The following THSD4 variants were observed in gnomAD, a reference collection of about 807,000 sequenced individuals.
THSD4 encodes the protein thrombospondin type 1 domain containing 4.
A neutral mutation model predicts 119.0 loss-of-function variants in THSD4; 69 were observed. The observed-to-expected ratio is 0.58, with a 90% CI of 0.48 to 0.71. The LOEUF is 0.71. Among genes scored for constraint, THSD4 ranks in the 30% least tolerant of loss-of-function variants. The pLI is 0.00. For missense variants in THSD4, 1,393 were observed against 1,391.1 expected (o/e 1.00, Z -0.02); for synonymous variants, 524 against 540.4 (o/e 0.97, Z 0.42).
intron 6 of THSD4, among the ~76,000 whole-genome samples, chr15:71,277,063 C>G (rs762566474): frequency 2.0e-5 from 3 of 150,882 alleles, no homozygotes; most frequent in Non-Finnish European, 4.4e-5. Context: ...CATCTGAGGC[C>G]GTATCCACTG....
At chr15:71,733,266 T>C (rs2053017573) in intron 10 of THSD4, 1 of 152,276 alleles carries the variant, frequency 6.6e-6, no homozygotes, top group South Asian at 2.1e-4. Context: ...TCCTCTTCCA[T>C]GTCAATGGAG....
chr15:71,522,287 TTATTAA>T (rs1202569923), intron 7 of THSD4, among the ~76,000 whole-genome samples: 1 of 152,158 alleles, frequency 6.6e-6, no homozygotes, highest in African/African-American at 2.4e-5. Flanking sequence ...GTTACTATTA[TTATTAA>T]TATTATTATT....
At chr15:71,585,420 A>G (rs969519317) in intron 7 of THSD4, among the ~76,000 whole-genome samples, 1 of 152,164 alleles carries the variant, frequency 6.6e-6, no homozygotes, top group African/African-American at 2.4e-5. Flanking sequence ...CTCACCTGCA[A>G]GGTTTCTGCC....
chr15:71,120,872 G>A (rs1199869719), intron 1 of THSD4, among the ~76,000 whole-genome samples: 2 of 152,236 alleles, frequency 1.3e-5, no homozygotes, highest in African/African-American at 4.8e-5. Flanking sequence ...ATGAAAGGGG[G>A]CATCAGCTTT....
At chr15:71,522,666 A>C (rs968191949) in intron 7 of THSD4, among the ~76,000 whole-genome samples, 3 of 152,244 alleles carry the variant, frequency 2.0e-5, no homozygotes, top group African/African-American at 7.2e-5. Flanking sequence ...TGGGGTGAAG[A>C]AATACAAAGC....
chr15:71,513,948 A>T (rs568433083), intron 7 of THSD4, among the ~76,000 whole-genome samples: 3 of 152,348 alleles, frequency 2.0e-5, no homozygotes, highest in South Asian at 4.1e-4. Context: ...TTCCATTTAT[A>T]TGCAGCTCTA....
At chr15:71,510,477 G>C (rs1246192838) in intron 7 of THSD4, among the ~76,000 whole-genome samples, 1 of 152,172 alleles carries the variant, frequency 6.6e-6, no homozygotes, top group African/African-American at 2.4e-5. Flanking sequence ...AAGTTGAATA[G>C]GAGAAACAGG....
intron 6 of THSD4, among the ~76,000 whole-genome samples, chr15:71,319,698 G>A (rs1158566838): frequency 1.3e-5 from 2 of 152,024 alleles, no homozygotes. Flanking sequence ...GAATAGTGCT[G>A]CAATAAACAT....
At chr15:71,525,458 A>G (rs1355191333) in intron 7 of THSD4, among the ~76,000 whole-genome samples, 2 of 152,232 alleles carry the variant, frequency 1.3e-5, no homozygotes, top group African/African-American at 4.8e-5. Flanking sequence ...AGAACTGGAC[A>G]AGGTCAGGCA....
At chr15:71,587,471 T>C (rs1406708842) in intron 7 of THSD4, among the ~76,000 whole-genome samples, 1 of 116,122 alleles carries the variant, frequency 8.6e-6, no homozygotes, top group Admixed American at 1.0e-4. Flanking sequence ...ATGTCCTTTG[T>C]AGGGACATGG....
intron 6 of THSD4, among the ~76,000 whole-genome samples, chr15:71,367,096 A>G (rs983218030): frequency 6.6e-6 from 1 of 152,194 alleles, no homozygotes; most frequent in Non-Finnish European, 1.5e-5. Context: ...GTCCTTCAAA[A>G]TGTAGCTTCC....
At chr15:71,300,986 G>C (rs924516854) in intron 6 of THSD4, among the ~76,000 whole-genome samples, 10 of 152,216 alleles carry the variant, frequency 6.6e-5, no homozygotes, top group African/African-American at 2.4e-4. Flanking sequence ...ATTTGCTAAA[G>C]TAGGTGTTGT....
chr15:71,248,301 A>C (rs1375702189), intron 5 of THSD4, among the ~76,000 whole-genome samples: 1 of 152,160 alleles, frequency 6.6e-6, no homozygotes, highest in Non-Finnish European at 1.5e-5. Flanking sequence ...ACAACAACAA[A>C]AAATCCTTTC....
chr15:71,680,916 A>AT (rs771191395), intron 8 of THSD4, among the ~76,000 whole-genome samples: 2,326 of 135,504 alleles, frequency 0.017, 34 homozygotes, highest in Non-Finnish European at 0.022. Flanking sequence ...ATTACTAGTA[A>AT]TTTTTTTTTT....
intron 4 of THSD4, among the ~76,000 whole-genome samples, chr15:71,220,970 T>C (rs531953134): frequency 3.3e-5 from 5 of 152,190 alleles, no homozygotes; most frequent in Non-Finnish European, 7.3e-5. Flanking sequence ...CTTCAGGTCT[T>C]GGCCAACAGA....
chr15:71,400,138 A>T (rs892042784), intron 6 of THSD4, among the ~76,000 whole-genome samples: 1 of 152,224 alleles, frequency 6.6e-6, no homozygotes. Context: ...TTTCTAAAGG[A>T]CATTGCCTTT....
chr15:71,490,484 C>G (rs1225249771), intron 7 of THSD4, among the ~76,000 whole-genome samples: 1 of 146,856 alleles, frequency 6.8e-6, no homozygotes, highest in African/African-American at 2.6e-5. Flanking sequence ...GGCGTGAACC[C>G]AGGAGGCAGA....
At chr15:71,152,110 T>C (rs1378111678) in intron 2 of THSD4, among the ~76,000 whole-genome samples, 1 of 152,172 alleles carries the variant, frequency 6.6e-6, no homozygotes, top group African/African-American at 2.4e-5. Context: ...AGAATGTTGT[T>C]ACAAATACAG....
At chr15:71,344,985 G>C (rs1272665971) in intron 6 of THSD4, among the ~76,000 whole-genome samples, 3 of 152,020 alleles carry the variant, frequency 2.0e-5, no homozygotes, top group African/African-American at 7.3e-5. Context: ...GTGGGAGATG[G>C]GTAGCAAGCA....
Sources: gnomAD v4.1 joint callset for allele counts (sites outside exome capture counted in the v4.1 genomes callset) on GRCh38, gnomAD v4.1.1 for gene constraint, MANE v1.5 for transcripts, NCBI Gene and HGNC (gene_info 2026-07-23, HGNC 2026-07-21) for gene names.